The following PLCL1 variants were observed in gnomAD, a reference collection of about 807,000 sequenced individuals.
PLCL1 encodes phospholipase C like 1 (inactive).
A neutral mutation model predicts 84.4 loss-of-function variants in PLCL1; 41 were observed. The ratio of observed to expected loss-of-function variants is 0.49; its 90% CI spans 0.38 to 0.63. The LOEUF is 0.63. Ranked by LOEUF, PLCL1 falls within the 30% of genes least tolerant of loss-of-function variation. PLCL1 has a pLI of 0.00. For missense variants in PLCL1, 1,206 were observed against 1,367.8 expected, an observed-to-expected ratio of 0.88 and a Z score of 1.87; for synonymous variants, 490 against 488.3, an observed-to-expected ratio of 1.00 and a Z score of -0.05.
chr2:198,064,777 A>G (rs566593233), intron 1 of PLCL1, among the ~76,000 whole-genome samples: 1 of 152,274 alleles, frequency 6.6e-6, no homozygotes, highest in South Asian at 2.1e-4. Context: ...TACTTCTTCT[A>G]TAGGATTTTA....
At chr2:198,083,214 T>A (rs983126572) in intron 1 of PLCL1, among the ~76,000 whole-genome samples, 2 of 152,226 alleles carry the variant, frequency 1.3e-5, no homozygotes, top group Non-Finnish European at 1.5e-5. Flanking sequence ...TTGGCTATTG[T>A]TAGCTCTCAA....
At chr2:198,140,085 C>A (rs1311553124) in intron 5 of PLCL1, among the ~76,000 whole-genome samples, 1 of 152,102 alleles carries the variant, frequency 6.6e-6, no homozygotes, top group African/African-American at 2.4e-5. Context: ...AGGTGCCTAA[C>A]AACACACCCA....
At chr2:197,933,657 G>A (rs1688993549) in intron 1 of PLCL1, among the ~76,000 whole-genome samples, 1 of 152,142 alleles carries the variant, frequency 6.6e-6, no homozygotes, top group Non-Finnish European at 1.5e-5. Context: ...GGATAATTGA[G>A]AGCTAATGGA....
At chr2:197,822,449 A>T (rs985547986) in intron 1 of PLCL1, among the ~76,000 whole-genome samples, 2 of 152,196 alleles carry the variant, frequency 1.3e-5, no homozygotes, top group African/African-American at 4.8e-5. Flanking sequence ...AGCTCTTGAC[A>T]TATTTGAAGG....
intron 1 of PLCL1, among the ~76,000 whole-genome samples, chr2:198,012,638 T>C (rs1690896637): frequency 2.0e-5 from 3 of 151,962 alleles, no homozygotes; most frequent in Non-Finnish European, 4.4e-5. Flanking sequence ...ATTTCTTCTC[T>C]TGTTGTCTTC....
chr2:197,880,258 CTCT>C (rs1169895917), intron 1 of PLCL1, among the ~76,000 whole-genome samples: 3 of 151,862 alleles, frequency 2.0e-5, no homozygotes, highest in Non-Finnish European at 4.4e-5. Context: ...CTCTCTTTTT[CTCT>C]TCTATTTTTT....
In PLCL1 at chr2:198,086,248, A is replaced by T. The variant is rs760393741; in HGVS notation, c.2715+16A>T. ...AAATATGCAGGTAGGAGAAACACTC[A>T]CACTCTCCTTCCCTATCCCTGCTTA... On this transcript the variant is annotated intron_variant, in intron 2 of 5. Transcript: ENST00000428675. 6.6e-7 allele frequency: 1 copy of T among 1,503,882 alleles called. No individual in the cohort carries two copies. The highest frequency in any genetic ancestry group is 9.2e-7 in the Non-Finnish European group (1 of 1,084,874). 93.2% of individuals were successfully genotyped at this position (1,503,882 alleles called of 1,614,324 possible). A position where few individuals can be genotyped will look rare whatever the true frequency, so the allele number is the denominator to read the frequency against.
At chr2:197,948,545 G>A (rs1689327372) in intron 1 of PLCL1, among the ~76,000 whole-genome samples, 1 of 152,076 alleles carries the variant, frequency 6.6e-6, no homozygotes, top group South Asian at 2.1e-4. Context: ...ACCACCCATG[G>A]CAAATATTTG....
intron 1 of PLCL1, among the ~76,000 whole-genome samples, chr2:197,942,302 A>G (rs895114944): frequency 2.0e-5 from 3 of 152,124 alleles, no homozygotes; most frequent in Non-Finnish European, 4.4e-5. Context: ...AAAAAATTGC[A>G]TCTTGCCCCT....
chr2:197,961,809 C>T (rs1689629995), intron 1 of PLCL1, among the ~76,000 whole-genome samples: 2 of 151,852 alleles, frequency 1.3e-5, no homozygotes, highest in Non-Finnish European at 2.9e-5. Flanking sequence ...GGTGCTTTCT[C>T]CTGGAACAAA....
At chr2:197,820,884 C>T (rs893696728) in intron 1 of PLCL1, among the ~76,000 whole-genome samples, 3 of 152,066 alleles carry the variant, frequency 2.0e-5, no homozygotes, top group Admixed American at 6.6e-5. Context: ...TCTGAAGCTT[C>T]GTATGGACAT....
At chr2:198,028,382 C>T (rs1283452252) in intron 1 of PLCL1, among the ~76,000 whole-genome samples, 1 of 152,104 alleles carries the variant, frequency 6.6e-6, no homozygotes, top group Non-Finnish European at 1.5e-5. Context: ...TGGCCTTCCC[C>T]CTTGCTACGG....
At chr2:197,876,226 C>T (rs1241015504) in intron 1 of PLCL1, among the ~76,000 whole-genome samples, 3 of 152,156 alleles carry the variant, frequency 2.0e-5, no homozygotes, top group Non-Finnish European at 4.4e-5. Context: ...ATTACTATAA[C>T]ACAAACGTGA....
intron 1 of PLCL1, among the ~76,000 whole-genome samples, chr2:197,931,676 C>CCACA (rs1372427837): frequency 3.1e-5 from 2 of 64,554 alleles, no homozygotes; most frequent in Non-Finnish European, 6.9e-5. Flanking sequence ...AACCAACCAA[C>CCACA]CACCCACCCA....
chr2:197,878,934 C>T (rs1158390495), intron 1 of PLCL1, among the ~76,000 whole-genome samples: 1 of 152,190 alleles, frequency 6.6e-6, no homozygotes, highest in Non-Finnish European at 1.5e-5. Context: ...AATGTTTGTG[C>T]CAACATTTTA....
chr2:197,827,209 T>G (rs971002786), intron 1 of PLCL1, among the ~76,000 whole-genome samples: 3 of 152,178 alleles, frequency 2.0e-5, no homozygotes, highest in Non-Finnish European at 4.4e-5. Context: ...TTTGATGACT[T>G]CTCATTGTCC....
chr2:197,837,876 G>A (rs749444335), intron 1 of PLCL1, among the ~76,000 whole-genome samples: 15 of 152,260 alleles, frequency 9.9e-5, no homozygotes, highest in South Asian at 2.1e-4. Flanking sequence ...CCAGGGAAGC[G>A]AAACAGCAGC....
In PLCL1 at chr2:197,912,962, TA is replaced by T. The variant is rs71013000; in HGVS notation, c.240+107634del. ...AACTTACAGTATAATAAAAAAAAAT[TA>T]AAAAAAAAAAGAAAAATGAAAAGCT... is the stretch of plus-strand genomic sequence containing the variant. On this transcript the variant is annotated intron_variant, in intron 1 of 5. Transcript: ENST00000428675. 4.1e-4 allele frequency among the ~76,000 whole-genome samples: 60 copies of T among 147,564 alleles called. 1 individual carries two copies. Among genetic ancestry groups the T allele is most frequent in the African/African-American group, 6.5e-4 (26 of 40,062 alleles).
At chr2:198,055,767 C>T (rs1311820965) in intron 1 of PLCL1, among the ~76,000 whole-genome samples, 1 of 151,842 alleles carries the variant, frequency 6.6e-6, no homozygotes, top group African/African-American at 2.4e-5. Context: ...TTTTTCTTTC[C>T]TTTTAAATAA....
Sources: allele counts gnomAD v4.1 joint callset (sites outside exome capture counted in the v4.1 genomes callset), GRCh38; gene constraint gnomAD v4.1.1; transcripts MANE v1.5; gene names NCBI Gene and HGNC (gene_info 2026-07-23, HGNC 2026-07-21).